TMEM163: variants seen among roughly 807,000 people sequenced by gnomAD.
TMEM163 encodes the protein transmembrane protein 163.
TMEM163 carries 17 observed loss-of-function variants against 29.3 expected under a neutral mutation model. That is an observed-to-expected ratio of 0.58 (90% CI 0.40 to 0.87). The LOEUF is 0.87. Among genes scored for constraint, TMEM163 ranks in the 40% least tolerant of loss-of-function variants. TMEM163 has a pLI of 0.00. For missense variants in TMEM163, 303 were observed against 381.5 expected (o/e 0.79, Z 1.71); for synonymous variants, 157 against 160.6 (o/e 0.98, Z 0.17).
chr2:134,495,418 G>A (rs543198607), intron 5 of TMEM163, among the ~76,000 whole-genome samples: 21 of 152,320 alleles, frequency 1.4e-4, no homozygotes, highest in South Asian at 4.1e-4. Context: ...AGGCTGTCTC[G>A]ATCCTCCTCA....
intron 1 of TMEM163, 63 bp downstream of exon 1, chr2:134,718,671 G>T: frequency 1.8e-6 from 2 of 1,083,506 alleles, no homozygotes; most frequent in Non-Finnish European, 1.1e-6. Flanking sequence ...GCCCGCGAGT[G>T]GGGAGAGGCG....
chr2:134,595,850 ATT>A (rs1298092654), intron 2 of TMEM163, among the ~76,000 whole-genome samples: 1 of 152,104 alleles, frequency 6.6e-6, no homozygotes, highest in Admixed American at 6.5e-5. Flanking sequence ...TTTGATTTGC[ATT>A]TCTCTGATGG....
At chr2:134,491,238 C>T (rs1679422431) in intron 5 of TMEM163, among the ~76,000 whole-genome samples, 2 of 152,302 alleles carry the variant, frequency 1.3e-5, no homozygotes, top group South Asian at 2.1e-4. Flanking sequence ...TACACAGATG[C>T]CTCTAGAGCA....
intron 6 of TMEM163, chr2:134,458,873 A>T (rs1686461470): frequency 6.6e-6 from 1 of 152,024 alleles, no homozygotes; most frequent in South Asian, 2.1e-4. Flanking sequence ...GGTTGGAGAA[A>T]TGGCCATAAA....
intron 2 of TMEM163, among the ~76,000 whole-genome samples, chr2:134,566,824 T>C (rs1398809202): frequency 1.3e-5 from 2 of 152,180 alleles, no homozygotes; most frequent in African/African-American, 4.8e-5. Flanking sequence ...TAGGCATCCA[T>C]TAATAAGAGA....
intron 2 of TMEM163, among the ~76,000 whole-genome samples, chr2:134,676,141 T>C (rs1163928482): frequency 1.3e-5 from 2 of 152,204 alleles, no homozygotes; most frequent in Non-Finnish European, 2.9e-5. Context: ...AGGCCCCGAC[T>C]TGCAGCATTT....
chr2:134,679,303 A>G (rs954195581), intron 2 of TMEM163, among the ~76,000 whole-genome samples: 4 of 152,362 alleles, frequency 2.6e-5, no homozygotes, highest in Middle Eastern at 3.4e-3. Flanking sequence ...GACTATACAT[A>G]TATGTCTGGC....
intron 5 of TMEM163, among the ~76,000 whole-genome samples, chr2:134,492,420 A>T (rs561561136): frequency 6.6e-6 from 1 of 152,332 alleles, no homozygotes; most frequent in Non-Finnish European, 1.5e-5. Context: ...ACATAAATTA[A>T]CAGACTAACG....
At chr2:134,516,780 C>CATATATATATGTATATATATGAATATAT (rs1680079119) in intron 4 of TMEM163, among the ~76,000 whole-genome samples, 1 of 139,460 alleles carries the variant, frequency 7.2e-6, no homozygotes, top group Admixed American at 7.4e-5. Context: ...CATATCTATT[C>CATATATATATGTATATATATGAATATAT]ATATATATAT....
chr2:134,518,579 G>A (rs756184561), intron 4 of TMEM163, among the ~76,000 whole-genome samples: 1 of 152,144 alleles, frequency 6.6e-6, no homozygotes, highest in Non-Finnish European at 1.5e-5. Flanking sequence ...TCGGGGTCGC[G>A]TAAAAGACTT....
intron 5 of TMEM163, chr2:134,468,999 GAA>G (rs1307425748): frequency 6.6e-6 from 1 of 152,116 alleles, no homozygotes; most frequent in Non-Finnish European, 1.5e-5. Flanking sequence ...GAGTTGTTGT[GAA>G]GGGGCCCAAA....
At chr2:134,705,074 G>C (rs542602798) in intron 2 of TMEM163, among the ~76,000 whole-genome samples, 1 of 152,168 alleles carries the variant, frequency 6.6e-6, no homozygotes, top group African/African-American at 2.4e-5. Context: ...GCCAGGCATG[G>C]TGGCATGTGC....
At chr2:134,652,734 T>G (rs1370411043) in intron 2 of TMEM163, among the ~76,000 whole-genome samples, 1 of 131,684 alleles carries the variant, frequency 7.6e-6, no homozygotes, top group Non-Finnish European at 1.6e-5. Flanking sequence ...ATACCTAATT[T>G]ATTGAGAGTT....
intron 2 of TMEM163, among the ~76,000 whole-genome samples, chr2:134,709,131 T>G (rs1479132876): frequency 6.6e-6 from 1 of 152,228 alleles, no homozygotes; most frequent in East Asian, 1.9e-4. Context: ...CCCTGAGTTT[T>G]GAAACAGAAC....
intron 2 of TMEM163, among the ~76,000 whole-genome samples, chr2:134,696,057 A>G (rs957627776): frequency 6.9e-6 from 1 of 144,936 alleles, no homozygotes; most frequent in African/African-American, 2.7e-5. Context: ...GTCTCAAAAA[A>G]AAAAAAAAAA....
At chr2:134,569,305 T>G (rs1452350485) in intron 2 of TMEM163, among the ~76,000 whole-genome samples, 1 of 151,522 alleles carries the variant, frequency 6.6e-6, no homozygotes, top group Non-Finnish European at 1.5e-5. Context: ...ACCCTTAGGG[T>G]TTTTCAAAAC....
At chr2:134,613,049 C>T (rs931651671) in intron 2 of TMEM163, among the ~76,000 whole-genome samples, 2 of 152,078 alleles carry the variant, frequency 1.3e-5, no homozygotes, top group Admixed American at 6.5e-5. Flanking sequence ...CAAATAGAGA[C>T]TATCAGTAAA....
At chr2:134,694,741 TAC>T (rs1256737072) in intron 2 of TMEM163, among the ~76,000 whole-genome samples, 1 of 152,214 alleles carries the variant, frequency 6.6e-6, no homozygotes. Context: ...AATGACTATA[TAC>T]ACACATTATT....
chr2:134,476,523 G>A (rs951471284), intron 5 of TMEM163, among the ~76,000 whole-genome samples: 72 of 152,234 alleles, frequency 4.7e-4, no homozygotes, highest in African/African-American at 1.7e-3. Context: ...GGATTCTTAG[G>A]TGATAATTAC....
Sources: gnomAD v4.1 joint callset for allele counts (sites outside exome capture counted in the v4.1 genomes callset) on GRCh38, gnomAD v4.1.1 for gene constraint, MANE v1.5 for transcripts, NCBI Gene and HGNC (gene_info 2026-07-23, HGNC 2026-07-21) for gene names.